DCDC2: variants seen among roughly 807,000 people sequenced by gnomAD.
DCDC2 encodes the protein doublecortin domain-containing protein 2.
In DCDC2, 40 loss-of-function variants were observed where a neutral mutation model predicts 50.2. The observed-to-expected ratio is 0.80, with a 90% CI of 0.62 to 1.04. The LOEUF (loss-of-function observed/expected upper bound fraction) is 1.04, where lower values mean the gene tolerates loss of function less well. DCDC2 is among the 50% of genes least tolerant of loss of function. DCDC2 has a pLI of 0.00. For missense variants in DCDC2, 570 were observed against 581.9 expected (o/e 0.98, Z 0.21); for synonymous variants, 234 against 210.6 (o/e 1.11, Z -0.96).
chr6:24,277,346 G>C (rs1295191438), intron 7 of DCDC2, among the ~76,000 whole-genome samples: 3 of 152,098 alleles, frequency 2.0e-5, no homozygotes, highest in African/African-American at 7.2e-5. Flanking sequence ...TTCCCAGCCA[G>C]CCATTCCCAC....
intron 2 of DCDC2, among the ~76,000 whole-genome samples, chr6:24,316,986 T>C (rs901738532): frequency 6.7e-6 from 1 of 148,498 alleles, no homozygotes; most frequent in Non-Finnish European, 1.5e-5. Context: ...TATATACATA[T>C]ATATGTAGAG....
intron 2 of DCDC2, among the ~76,000 whole-genome samples, chr6:24,331,037 G>C (rs1484530843): frequency 1.3e-5 from 2 of 152,122 alleles, no homozygotes; most frequent in South Asian, 4.1e-4. Context: ...GGATGATAAA[G>C]ATATATATTT....
At chr6:24,197,152 G>C (rs1761462208) in intron 8 of DCDC2, among the ~76,000 whole-genome samples, 1 of 152,144 alleles carries the variant, frequency 6.6e-6, no homozygotes, top group Admixed American at 6.5e-5. Context: ...CTGTTTCTCA[G>C]TATCTCCTGC....
chr6:24,228,640 C>T (rs1762281381), intron 7 of DCDC2, among the ~76,000 whole-genome samples: 1 of 152,172 alleles, frequency 6.6e-6, no homozygotes, highest in African/African-American at 2.4e-5. Flanking sequence ...ATTTCCAAGT[C>T]ATTTTAGAGC....
chr6:24,271,806 GA>G (rs375187179), intron 7 of DCDC2, among the ~76,000 whole-genome samples: 1 of 152,174 alleles, frequency 6.6e-6, no homozygotes, highest in Non-Finnish European at 1.5e-5. Flanking sequence ...CGCTTGTATG[GA>G]AAATGTGATC....
chr6:24,357,526 C>CCGGATTCG lies in DCDC2; in HGVS notation c.217_224dup (p.Lys76GlufsTer5). The CCGGATTCG allele has an allele frequency of 6.2e-7, 1 of 1,613,578 alleles. No homozygotes were observed. Among genetic ancestry groups the CCGGATTCG allele is most frequent in the Non-Finnish European group, 8.5e-7 (1 of 1,180,040 alleles). ...CCCCGCTCTGGATCTGGTCTAGCTT[C>CCGGATTCG]CGGATTCGGTGGCCAGTCCGCGGGG... On this transcript the variant is annotated frameshift_variant, in exon 1 of 10. Coordinates refer to ENST00000378454, the MANE Select transcript of DCDC2 (RefSeq NM_016356.5). LOFTEE classifies it high-confidence loss of function.
chr6:24,188,536 G>GT (rs955455087), intron 8 of DCDC2, among the ~76,000 whole-genome samples: 145 of 152,050 alleles, frequency 9.5e-4, no homozygotes, highest in African/African-American at 3.4e-3. Flanking sequence ...AATCAGAAAG[G>GT]TTTTTTTATA....
chr6:24,241,061 C>T (rs1203286114), intron 7 of DCDC2, among the ~76,000 whole-genome samples: 1 of 152,154 alleles, frequency 6.6e-6, no homozygotes, highest in Non-Finnish European at 1.5e-5. Context: ...TTGTCATTCC[C>T]TGCAGTAGAA....
intron 4 of DCDC2, among the ~76,000 whole-genome samples, chr6:24,296,899 T>C (rs1255612054): frequency 6.6e-6 from 1 of 152,184 alleles, no homozygotes; most frequent in African/African-American, 2.4e-5. Context: ...TGGAAAGCAG[T>C]GTGGCAATTC....
At chr6:24,338,654 T>C (rs1760100484) in intron 2 of DCDC2, among the ~76,000 whole-genome samples, 2 of 152,178 alleles carry the variant, frequency 1.3e-5, no homozygotes, top group Admixed American at 6.5e-5. Flanking sequence ...GTTTTATTTA[T>C]TTAATTTGAG....
At chr6:24,257,862 T>G (rs555327982) in intron 7 of DCDC2, among the ~76,000 whole-genome samples, 1 of 152,138 alleles carries the variant, frequency 6.6e-6, no homozygotes, top group Admixed American at 6.5e-5. Context: ...AATAAGGAGC[T>G]TAAATCAAGG....
chr6:24,235,243 G>T (rs922187951), intron 7 of DCDC2, among the ~76,000 whole-genome samples: 1 of 152,222 alleles, frequency 6.6e-6, no homozygotes, highest in East Asian at 1.9e-4. Flanking sequence ...AGTCATCACA[G>T]TGAATGGGGG....
intron 6 of DCDC2, among the ~76,000 whole-genome samples, chr6:24,285,944 CA>C (rs1554116260): frequency 5.9e-5 from 9 of 152,120 alleles, no homozygotes; most frequent in Non-Finnish European, 1.3e-4. Context: ...AATATCTATA[CA>C]GTACACAGAA....
intron 7 of DCDC2, among the ~76,000 whole-genome samples, chr6:24,267,658 C>T (rs1279655097): frequency 6.6e-6 from 1 of 152,102 alleles, no homozygotes; most frequent in African/African-American, 2.4e-5. Flanking sequence ...GGGATCTCCA[C>T]AGAAAAGACA....
intron 7 of DCDC2, among the ~76,000 whole-genome samples, chr6:24,271,336 T>C (rs1192069997): frequency 6.6e-6 from 1 of 151,500 alleles, no homozygotes; most frequent in African/African-American, 2.4e-5. Flanking sequence ...GAGCCCCTGG[T>C]AAGGCAAGAA....
the DCDC2 span, among the ~76,000 whole-genome samples, chr6:24,363,937 T>C: frequency 6.6e-6 from 1 of 152,196 alleles, no homozygotes; most frequent in African/African-American, 2.4e-5. Context: ...TCCAATATCA[T>C]CAACTTTGAT....
intron 2 of DCDC2, among the ~76,000 whole-genome samples, chr6:24,345,830 C>A (rs1441874362): frequency 1.2e-4 from 18 of 151,938 alleles, no homozygotes; most frequent in Admixed American, 1.2e-3. Context: ...AAGAGGAAAC[C>A]CAAAACAGAC....
At chr6:24,349,870 G>A (rs564983181) in intron 2 of DCDC2, among the ~76,000 whole-genome samples, 1 of 152,280 alleles carries the variant, frequency 6.6e-6, no homozygotes, top group African/African-American at 2.4e-5. Flanking sequence ...CCTGGGTGTA[G>A]AGAGTCAGGG....
intron 9 of DCDC2, among the ~76,000 whole-genome samples, chr6:24,177,655 C>A (rs1760954608): frequency 6.6e-6 from 1 of 152,174 alleles, no homozygotes; most frequent in Non-Finnish European, 1.5e-5. Context: ...GGAAGAATGC[C>A]AGGACTGATG....
Sources: gnomAD v4.1 joint callset for allele counts (sites outside exome capture counted in the v4.1 genomes callset) on GRCh38, gnomAD v4.1.1 for gene constraint, MANE v1.5 for transcripts, NCBI Gene and HGNC (gene_info 2026-07-23, HGNC 2026-07-21) for gene names.